Variants in MACF1 observed in about 807,000 individuals in gnomAD.
MACF1 encodes microtubule-actin cross-linking factor 1.
MACF1 carries 193 observed loss-of-function variants against 854.8 expected under a neutral mutation model. The observed-to-expected ratio is 0.23, with a 90% CI of 0.20 to 0.25. The LOEUF is 0.25. Ranked by LOEUF, MACF1 falls within the 10% of genes least tolerant of loss-of-function variation. MACF1 has a pLI of 1.00. For synonymous variants in MACF1, 3,185 were observed against 3,226.7 expected (o/e 0.99, Z 0.44); for missense variants, 7,722 against 8,929.1 (o/e 0.86, Z 5.45).
chr1:39,249,018 A>T (rs1462294633), intron 2 of MACF1, among the ~76,000 whole-genome samples: 8 of 152,110 alleles, frequency 5.3e-5, no homozygotes, highest in African/African-American at 1.9e-4. Context: ...AAGTACTGGG[A>T]TTGCAGGCAG....
chr1:39,207,511 C>T (rs1201781766), intron 1 of MACF1, among the ~76,000 whole-genome samples: 1 of 151,998 alleles, frequency 6.6e-6, no homozygotes, highest in Non-Finnish European at 1.5e-5. Context: ...AACTCCTGAC[C>T]TCAGGTGATC....
rs761885290 is a variant in MACF1 at position 39,413,239 on chromosome 1, G to A, written c.15817-9135G>A. On this transcript the variant is annotated intron_variant, in intron 58 of 100. Transcript: ENST00000564288. Reference sequence around the variant, plus strand: ...TCCAGAGGAGCCTGATACTGCAGCTGTCAGAGTGTCCACCCCAGAGGAGCC... The same window carrying A: ...TCCAGAGGAGCCTGATACTGCAGCTATCAGAGTGTCCACCCCAGAGGAGCC... The A allele has an allele frequency of 4.2e-5, 67 of 1,612,892 alleles. 1 individual carries two copies. The South Asian group carries it at 6.3e-4, about 15-fold the overall frequency.
In MACF1 at chr1:39,293,459, A is replaced by C; in HGVS notation, c.1994A>C (p.Glu665Ala). 6.2e-7 allele frequency: 1 copy of C among 1,610,244 alleles called. No homozygotes were observed. The highest frequency in any genetic ancestry group is 1.3e-5 in the African/African-American group (1 of 74,940). The part of the protein sequence containing the change: ...KLETQYCKLK[E>A]TSSFRMRHLQ... ...TCTTATAATCCTTGCTTTGTCTAGG[A>C]AACTTCTAGCTTCCGGATGAGGCAC... The change falls in exon 18 of 101, where the codon GAA (glutamate) becomes GCA (alanine). Residue 665 changes from glutamate to alanine, a missense_variant and splice_region_variant. Around this residue, in one of 15 missense-constraint regions of MACF1, gnomAD observed 1,137 missense variants for 1,263.0 expected, o/e 0.90. Transcript: ENST00000564288.
Position 39,204,732 on chromosome 1 carries a change from CT to C in MACF1, c.-287del, listed in dbSNP as rs1017084009. ...CAGCTTGACACTGGCTTAGGCGCTCCTTTTCACTCTCCTTGTTCCTTCTTCC... is the reference window on the plus strand; with the variant it reads ...CAGCTTGACACTGGCTTAGGCGCTCCTTTCACTCTCCTTGTTCCTTCTTCC... On this transcript the variant is annotated 5_prime_UTR_variant, in exon 1 of 101. Transcript: ENST00000564288. The C allele has an allele frequency of 6.2e-5, 20 of 321,642 alleles. No individual in the cohort carries two copies. Among genetic ancestry groups the C allele is most frequent in the African/African-American group, 4.3e-4 (20 of 46,912 alleles). The allele number at this position is 321,642 out of a possible 1,614,324, so 19.9% of individuals were successfully genotyped here. A position where few individuals can be genotyped will look rare whatever the true frequency, so the allele number is the denominator to read the frequency against.
chr1:39,382,669 G>T (rs1312683302), intron 56 of MACF1, among the ~76,000 whole-genome samples: 1 of 149,134 alleles, frequency 6.7e-6, no homozygotes, highest in South Asian at 2.1e-4. Context: ...ACAGTAGAGC[G>T]TGACTCCGTC....
At chr1:39,362,264 AC>A (rs1335497663) in intron 49 of MACF1, among the ~76,000 whole-genome samples, 1 of 152,202 alleles carries the variant, frequency 6.6e-6, no homozygotes, top group Non-Finnish European at 1.5e-5. Flanking sequence ...ACACATTCCC[AC>A]CTGTAGTACT....
Position 39,331,422 on chromosome 1 carries a change from C to A in MACF1, c.4834C>A (p.Leu1612Ile), listed in dbSNP as rs147672219. 60 of 1,614,096 alleles carry A rather than the reference C, an allele frequency of 3.7e-5. No homozygotes were observed. The Admixed American group carries it at 5.2e-4, about 14-fold the overall frequency. ...NLINPQMYQQLRELQDALALI... is the reference protein window; with the variant it reads ...NLINPQMYQQIRELQDALALI... ...CATTAATCCCCAGATGTACCAGCAG[C>A]TCCGGGAGCTACAGGATGCCCTGGC... is the stretch of plus-strand genomic sequence containing the variant. The change falls in exon 37 of 101, where the codon CTC (leucine) becomes ATC (isoleucine). Residue 1612 changes from leucine (L) to isoleucine (I), a missense_variant. Around this residue, in one of 15 missense-constraint regions of MACF1, gnomAD observed 1,531 missense variants for 1,601.6 expected, o/e 0.96. Transcript: ENST00000564288.
intron 2 of MACF1, among the ~76,000 whole-genome samples, chr1:39,132,090 A>G (rs540104138): frequency 2.6e-5 from 4 of 152,212 alleles, no homozygotes; most frequent in Admixed American, 1.3e-4. Flanking sequence ...TTTCCCTCAA[A>G]TGGAGGGATA....
intron 99 of MACF1, among the ~76,000 whole-genome samples, 152 bp downstream of exon 99, chr1:39,481,182 G>A (rs1374658697): frequency 6.6e-6 from 1 of 152,166 alleles, no homozygotes; most frequent in African/African-American, 2.4e-5. Context: ...AGTGTTTTCA[G>A]GGGTTTCTAA....
chr1:39,304,493 G>T, intron 23 of MACF1: 1 of 1,426,752 alleles, frequency 7.0e-7, no homozygotes, highest in Non-Finnish European at 9.7e-7. Context: ...TTTTCCTTGA[G>T]ATTTTTCTGG....
chr1:39,469,461 C>A, intron 96 of MACF1, 86 bp from the exon 97 acceptor site: 2 of 957,410 alleles, frequency 2.1e-6, no homozygotes, highest in Non-Finnish European at 3.3e-6. Context: ...GAGGCTCCCC[C>A]ACTGTCTGCC....
chr1:39,326,100 G>A (rs1646604564), intron 35 of MACF1, among the ~76,000 whole-genome samples: 1 of 152,172 alleles, frequency 6.6e-6, no homozygotes, highest in African/African-American at 2.4e-5. Context: ...AATATGGATT[G>A]TGGGGTCTGG....
intron 58 of MACF1, among the ~76,000 whole-genome samples, chr1:39,414,933 C>G (rs1388383116): frequency 6.6e-6 from 1 of 152,134 alleles, no homozygotes; most frequent in Non-Finnish European, 1.5e-5. Flanking sequence ...GTTAGCTATT[C>G]TTGAGTTTCC....
intron 43 of MACF1, among the ~76,000 whole-genome samples, chr1:39,351,578 T>C (rs1296037958): frequency 3.6e-5 from 5 of 139,554 alleles, no homozygotes; most frequent in Non-Finnish European, 6.3e-5. Context: ...AAAAAGCAAA[T>C]GGCTTTTTTT....
Position 39,354,253 on chromosome 1 carries a change from A to G in MACF1, c.11424+1022A>G, listed in dbSNP as rs549960067. On this transcript the variant is annotated intron_variant, in intron 44 of 100. Transcript: ENST00000564288. ...TACTTGCTTCTCCATTGCATAAAGTAACGGAGGGGGCCCAGCTATTTGTTA... is the reference window on the plus strand; with the variant it reads ...TACTTGCTTCTCCATTGCATAAAGTGACGGAGGGGGCCCAGCTATTTGTTA... 5.9e-5 allele frequency among the ~76,000 whole-genome samples: 9 copies of G among 152,282 alleles called. No homozygotes were observed. The South Asian group carries it at 1.9e-3, about 32-fold the overall frequency.
chr1:39,171,516 AT>A (rs1265429343), intron 2 of MACF1, among the ~76,000 whole-genome samples: 2 of 152,136 alleles, frequency 1.3e-5, no homozygotes, highest in Non-Finnish European at 2.9e-5. Flanking sequence ...TTTTATATAA[AT>A]TTAGTCATGT....
At chr1:39,292,319 A>G (rs1005847311) in intron 16 of MACF1, among the ~76,000 whole-genome samples, 1 of 152,212 alleles carries the variant, frequency 6.6e-6, no homozygotes, top group Non-Finnish European at 1.5e-5. Flanking sequence ...GCAGCATCCA[A>G]ACTCAGGCCC....
intron 13 of MACF1, 42 bp from the exon 14 acceptor site, chr1:39,285,561 GC>G (rs1283251505): frequency 1.3e-6 from 2 of 1,598,332 alleles, no homozygotes; most frequent in Non-Finnish European, 1.7e-6. Flanking sequence ...AGTGAGTGGG[GC>G]AATGGAAGTT....
chr1:39,145,096 A>G (rs373286548), intron 2 of MACF1, among the ~76,000 whole-genome samples: 10 of 151,924 alleles, frequency 6.6e-5, no homozygotes, highest in African/African-American at 2.4e-4. Flanking sequence ...CCACTGAGCT[A>G]CTGAGTGCCA....
Sources: gnomAD v4.1 joint callset for allele counts (sites outside exome capture counted in the v4.1 genomes callset) on GRCh38, gnomAD v4.1.1 for gene constraint, gnomAD v4.1.1 regional missense constraint, MANE v1.5 for transcripts, NCBI Gene and HGNC (gene_info 2026-07-23, HGNC 2026-07-21) for gene names.